The following GSE1 variants were observed in gnomAD, a reference collection of about 807,000 sequenced individuals.
GSE1 encodes Gse1 coiled-coil protein, also known as genetic suppressor element 1.
A neutral mutation model predicts 112.6 loss-of-function variants in GSE1; 32 were observed. That is an observed-to-expected ratio of 0.28 (90% confidence interval 0.21 to 0.38). GSE1 has a LOEUF of 0.38. Ranked by LOEUF, GSE1 falls within the 10% of genes least tolerant of loss-of-function variation. The probability of loss-of-function intolerance (pLI) is 1.00; values close to 1 mark genes in which losing one functional copy is unlikely to be tolerated. For synonymous variants in GSE1, 1,115 were observed against 735.6 expected (o/e 1.52, Z -8.35); for missense variants, 2,348 against 1,699.2 (o/e 1.38, Z -6.71).
Position 85,210,961 on chromosome 16 carries a change from G to A in GSE1, c.2283+39154G>A, listed in dbSNP as rs557734568. Among the ~76,000 whole-genome samples, 17 of 152,334 alleles carry A rather than the reference G, an allele frequency of 1.1e-4. No homozygotes were observed. In the East Asian group the frequency reaches 2.1e-3, roughly 19 times the overall value. Reference sequence around the variant, plus strand: ...GCCTCGGGTTCCTTCTCTGTAAGATGATCTTTGGGCCAGGAAGCTCCCAGA... The same window carrying A: ...GCCTCGGGTTCCTTCTCTGTAAGATAATCTTTGGGCCAGGAAGCTCCCAGA... On this transcript the variant is annotated intron_variant, in intron 1 of 2. Coordinates refer to the GSE1 transcript ENST00000637419.
At chr16:85,317,461 C>G (rs1030564278) in intron 1 of GSE1, among the ~76,000 whole-genome samples, 3 of 152,184 alleles carry the variant, frequency 2.0e-5, no homozygotes, top group Admixed American at 6.5e-5. Flanking sequence ...GGACAACCCC[C>G]CTACGAGTCC....
rs951981545 is a variant in GSE1, at chr16:85,313,325, C to T, written c.2284-44138C>T. 2.6e-5 allele frequency among the ~76,000 whole-genome samples: 4 copies of T among 152,118 alleles called. No homozygotes were observed. The South Asian group carries it at 6.2e-4, about 24-fold the overall frequency. On this transcript the variant is annotated intron_variant, in intron 1 of 2. Coordinates refer to the GSE1 transcript ENST00000637419. The stretch of plus-strand genomic sequence containing the variant: ...CGTGTCTTCCTCAAGGTCCTCGAGA[C>T]ACCTGGCTTGACCTTGTCCAGCGTG...
intron 1 of GSE1, among the ~76,000 whole-genome samples, chr16:85,562,364 C>T (rs779496711): frequency 5.3e-5 from 8 of 152,204 alleles, no homozygotes; most frequent in East Asian, 3.9e-4. Context: ...TCCCACCCCC[C>T]CTGCCCAATT....
At chr16:85,330,625 G>A (rs556019989) in intron 1 of GSE1, among the ~76,000 whole-genome samples, 28 of 152,348 alleles carry the variant, frequency 1.8e-4, no homozygotes, top group African/African-American at 4.3e-4. Context: ...TCCAGGAAGC[G>A]TGCAGGTGGG....
At chr16:85,661,023 G>T in intron 8 of GSE1, 123 bp from the exon 9 acceptor site, 1 of 803,530 alleles carries the variant, frequency 1.2e-6, no homozygotes, top group Non-Finnish European at 2.0e-6. Flanking sequence ...CAGCCCTGTT[G>T]GCACTGGCTC....
At chr16:85,277,719 C>T (rs921305132) in intron 1 of GSE1, among the ~76,000 whole-genome samples, 27 of 152,360 alleles carry the variant, frequency 1.8e-4, no homozygotes, top group African/African-American at 6.5e-4. Context: ...CAAAGCATCT[C>T]CTCTTTGCTT....
chr16:85,201,967 AAGAG>A (rs1219685877), intron 1 of GSE1, among the ~76,000 whole-genome samples: 5 of 152,190 alleles, frequency 3.3e-5, no homozygotes, highest in African/African-American at 4.8e-5. Flanking sequence ...TGTGGATGGT[AAGAG>A]AGAGAGATAC....
chr16:85,298,275 C>T (rs2045422630), intron 1 of GSE1, among the ~76,000 whole-genome samples: 1 of 152,258 alleles, frequency 6.6e-6, no homozygotes, highest in African/African-American at 2.4e-5. Context: ...CCTCCCTGCC[C>T]AGATGTCTCC....
intron 2 of GSE1, among the ~76,000 whole-genome samples, chr16:85,402,655 C>G (rs1319613278): frequency 6.6e-6 from 1 of 152,068 alleles, no homozygotes; most frequent in African/African-American, 2.4e-5. Context: ...GGCATGGTGG[C>G]TCACACCTGT....
chr16:85,352,463 C>G (rs2046869813), intron 1 of GSE1, among the ~76,000 whole-genome samples: 1 of 152,204 alleles, frequency 6.6e-6, no homozygotes. Flanking sequence ...ATGCCATGTT[C>G]TCCAGGGCCC....
chr16:85,608,323 T>C (rs1487760798), upstream of GSE1, among the ~76,000 whole-genome samples: 4 of 152,118 alleles, frequency 2.6e-5, no homozygotes, highest in Non-Finnish European at 4.4e-5. Flanking sequence ...CTCTGTGGAC[T>C]TAGCCCCCCG....
At chr16:85,560,128 C>CTTTTTTTTTTTTTTTTTTT (rs377241566) in intron 1 of GSE1, among the ~76,000 whole-genome samples, 99 of 99,154 alleles carry the variant, frequency 1.0e-3, no homozygotes, top group East Asian at 2.2e-3. Context: ...TCTTCTTCTT[C>CTTTTTTTTTTTTTTTTTTT]TTTTTTTTTT....
intron 2 of GSE1, among the ~76,000 whole-genome samples, chr16:85,524,000 T>G (rs1253416822): frequency 6.6e-6 from 1 of 152,146 alleles, no homozygotes; most frequent in Non-Finnish European, 1.5e-5. Context: ...TGATGCTGTT[T>G]CCGAGACCCC....
Position 85,441,641 on chromosome 16 carries a change from C to T in GSE1, c.2464+83998C>T, listed in dbSNP as rs180883189. 2.0e-3 allele frequency among the ~76,000 whole-genome samples: 302 copies of T among 151,916 alleles called. 1 individual carries two copies. The highest frequency in any genetic ancestry group is 4.8e-3 in the African/African-American group (198 of 41,208). Reference sequence around the variant, plus strand: ...CAGCCTGGGTGTCAGAGTGAGACTCCGTCTCAAAACACAAAAACAAAAAAC... The same window carrying T: ...CAGCCTGGGTGTCAGAGTGAGACTCTGTCTCAAAACACAAAAACAAAAAAC... On this transcript the variant is annotated intron_variant, in intron 2 of 2. Transcript: ENST00000637419.
chr16:85,560,745 G>T (rs150078199), intron 1 of GSE1, among the ~76,000 whole-genome samples: 190 of 152,218 alleles, frequency 1.2e-3, no homozygotes, highest in African/African-American at 4.2e-3. Flanking sequence ...AACTCCACCA[G>T]GCTGCTAGCC....
intron 2 of GSE1, among the ~76,000 whole-genome samples, chr16:85,374,911 G>A (rs1263209722): frequency 6.6e-6 from 1 of 152,216 alleles, no homozygotes; most frequent in African/African-American, 2.4e-5. Context: ...TGGTGACATT[G>A]TGCCTTCCCT....
chr16:85,280,459 A>C (rs906420059), intron 1 of GSE1, among the ~76,000 whole-genome samples: 2 of 152,130 alleles, frequency 1.3e-5, no homozygotes, highest in African/African-American at 2.4e-5. Context: ...GTAGTGGTGC[A>C]GTCTCGGCTC....
chr16:85,666,090 A>G lies in GSE1; in HGVS notation c.2873A>G (p.Gln958Arg), dbSNP rs771714257. The G allele has an allele frequency of 2.5e-6, 4 of 1,613,128 alleles. No individual in the cohort carries two copies. The highest frequency in any genetic ancestry group is 3.3e-5 in the Admixed American group (2 of 59,972). Residue 958 changes from glutamine to arginine, a missense_variant, in exon 13 of 16, where the codon CAG becomes CGG. Coordinates refer to ENST00000253458, the MANE Select transcript of GSE1 (RefSeq NM_014615.5). ...EPGKLEQVRP[Q>R]ELSRVQELAP... ...GGGAAGCTGGAACAGGTCCGGCCCC[A>G]GGAGCTGTCGAGAGTCCAGGAGCTA...
At chr16:85,191,590 C>T (rs911754108) in intron 1 of GSE1, among the ~76,000 whole-genome samples, 10 of 152,154 alleles carry the variant, frequency 6.6e-5, no homozygotes, top group African/African-American at 1.4e-4. Context: ...ATGTTCAGTA[C>T]GTACTTTCTA....
Sources: gnomAD v4.1 joint callset for allele counts (sites outside exome capture counted in the v4.1 genomes callset) on GRCh38, gnomAD v4.1.1 for gene constraint, MANE v1.5 for transcripts, NCBI Gene and HGNC (gene_info 2026-07-23, HGNC 2026-07-21) for gene names.